Variants in SAMSN1 observed in about 807,000 individuals in gnomAD.
SAMSN1 encodes the protein SAM domain, SH3 domain and nuclear localization signals 1.
In SAMSN1, 31 loss-of-function variants were observed where a neutral mutation model predicts 42.0. The observed-to-expected ratio is 0.74, with a 90% CI of 0.55 to 1.00. The LOEUF (loss-of-function observed/expected upper bound fraction) is 1.00. Ranked by LOEUF, SAMSN1 falls within the 50% of genes least tolerant of loss-of-function variation. The probability of loss-of-function intolerance (pLI) is 0.00; values close to 1 mark genes in which losing one functional copy is unlikely to be tolerated. For missense variants in SAMSN1, 464 were observed against 439.4 expected, an observed-to-expected ratio of 1.06 and a Z score of -0.50; for synonymous variants, 178 against 151.9, an observed-to-expected ratio of 1.17 and a Z score of -1.26.
intron 2 of SAMSN1, among the ~76,000 whole-genome samples, chr21:14,621,401 G>T (rs1345517803): frequency 6.6e-6 from 1 of 152,200 alleles, no homozygotes; most frequent in Non-Finnish European, 1.5e-5. Context: ...CTAGCCAAGG[G>T]AAGCTGCGAC....
intron 4 of SAMSN1, among the ~76,000 whole-genome samples, chr21:14,611,865 G>A (rs1184766258): frequency 1.3e-5 from 2 of 152,084 alleles, no homozygotes; most frequent in African/African-American, 2.4e-5. Flanking sequence ...AATGAAATGA[G>A]TATGAGCACC....
chr21:14,648,602 G>T (rs1220775153), intron 1 of SAMSN1, among the ~76,000 whole-genome samples: 1 of 151,908 alleles, frequency 6.6e-6, no homozygotes, highest in East Asian at 1.9e-4. Flanking sequence ...ATCAAAAAGT[G>T]GGCAAAGGAT....
intron 1 of SAMSN1, among the ~76,000 whole-genome samples, chr21:14,530,171 G>A (rs1414383356): frequency 1.3e-5 from 2 of 151,940 alleles, no homozygotes; most frequent in African/African-American, 4.8e-5. Context: ...AAAAAAATTA[G>A]CCGGGCGTGG....
At chr21:14,549,297 A>G (rs571099708), upstream of SAMSN1, among the ~76,000 whole-genome samples, 29 of 152,162 alleles carry the variant, frequency 1.9e-4, no homozygotes, top group Non-Finnish European at 3.2e-4. Context: ...GCCTTCTGCC[A>G]TCAGGTTGAA....
chr21:14,532,927 G>A (rs1472677039), intron 1 of SAMSN1, among the ~76,000 whole-genome samples: 4 of 150,738 alleles, frequency 2.7e-5, no homozygotes, highest in Non-Finnish European at 5.9e-5. Context: ...TTTATTTATT[G>A]AGACAGGGTC....
At chr21:14,520,051 C>T (rs1446130593) in intron 2 of SAMSN1, among the ~76,000 whole-genome samples, 1 of 152,114 alleles carries the variant, frequency 6.6e-6, no homozygotes, top group South Asian at 2.1e-4. Flanking sequence ...CTAATAGTTC[C>T]TATGTTATAA....
chr21:14,581,694 G>T (rs777231796), intron 2 of SAMSN1, among the ~76,000 whole-genome samples: 1 of 151,890 alleles, frequency 6.6e-6, no homozygotes, highest in East Asian at 1.9e-4. Flanking sequence ...ATTTCATAAT[G>T]TAAGTCCTTA....
chr21:14,488,451 C>A (rs1255474151), intron 7 of SAMSN1, among the ~76,000 whole-genome samples: 1 of 152,068 alleles, frequency 6.6e-6, no homozygotes, highest in African/African-American at 2.4e-5. Flanking sequence ...CTGTAATTTC[C>A]AAAATTAGTT....
intron 6 of SAMSN1, among the ~76,000 whole-genome samples, chr21:14,498,901 CAACT>C (rs1298022480): frequency 6.6e-6 from 1 of 152,306 alleles, no homozygotes; most frequent in Non-Finnish European, 1.5e-5. Flanking sequence ...TTTCACTTCT[CAACT>C]AACTAAATTG....
chr21:14,573,516 T>C (rs900123137), intron 2 of SAMSN1, among the ~76,000 whole-genome samples: 2 of 152,020 alleles, frequency 1.3e-5, no homozygotes, highest in Admixed American at 1.3e-4. Flanking sequence ...AGAGGAAGTA[T>C]AGTTGTTCAG....
intron 2 of SAMSN1, among the ~76,000 whole-genome samples, chr21:14,624,498 C>T (rs976022879): frequency 2.0e-5 from 3 of 152,278 alleles, no homozygotes; most frequent in African/African-American, 7.2e-5. Flanking sequence ...ACTATAAACA[C>T]CTCTACGCAA....
chr21:14,589,312 G>T (rs1434513220), intron 7 of SAMSN1, among the ~76,000 whole-genome samples: 1 of 151,984 alleles, frequency 6.6e-6, no homozygotes, highest in Non-Finnish European at 1.5e-5. Flanking sequence ...TAATAATAGA[G>T]TTGGGATGGA....
At chr21:14,491,087 C>T (rs1233674290) in intron 7 of SAMSN1, among the ~76,000 whole-genome samples, 1 of 152,148 alleles carries the variant, frequency 6.6e-6, no homozygotes, top group Non-Finnish European at 1.5e-5. Context: ...AACTGTCACA[C>T]ATTATTTAAT....
chr21:14,514,428 C>T (rs751237823), intron 3 of SAMSN1, among the ~76,000 whole-genome samples: 12 of 151,930 alleles, frequency 7.9e-5, no homozygotes, highest in Non-Finnish European at 1.0e-4. Context: ...TTCTGGCTTT[C>T]ATATGGAGAA....
intron 1 of SAMSN1, among the ~76,000 whole-genome samples, chr21:14,521,900 TAA>T (rs35197722): frequency 8.2e-5 from 12 of 145,926 alleles, no homozygotes; most frequent in Admixed American, 6.9e-4. Context: ...CAAGTTTGTT[TAA>T]AAAAAAAAAA....
At chr21:14,651,097 C>T (rs1352802229) in intron 1 of SAMSN1, among the ~76,000 whole-genome samples, 1 of 151,888 alleles carries the variant, frequency 6.6e-6, no homozygotes, top group Non-Finnish European at 1.5e-5. Context: ...TTCTACCAAA[C>T]CTTTAAAGAA....
At chr21:14,591,765 T>TA (rs1325996409) in intron 7 of SAMSN1, among the ~76,000 whole-genome samples, 15 of 152,152 alleles carry the variant, frequency 9.9e-5, no homozygotes, top group African/African-American at 3.6e-4. Flanking sequence ...TATTCCACTG[T>TA]AAAAACACTA....
upstream of SAMSN1, among the ~76,000 whole-genome samples, chr21:14,548,987 C>A (rs1980515579): frequency 6.6e-6 from 1 of 152,144 alleles, no homozygotes; most frequent in African/African-American, 2.4e-5. Flanking sequence ...TTTACAATAC[C>A]TTAATGGTCT....
At chr21:14,572,055 T>C (rs1981318791) in intron 2 of SAMSN1, among the ~76,000 whole-genome samples, 1 of 152,176 alleles carries the variant, frequency 6.6e-6, no homozygotes, top group South Asian at 2.1e-4. Context: ...AACCTGTCTT[T>C]GTCACCATTG....
Sources: allele counts gnomAD v4.1 joint callset (sites outside exome capture counted in the v4.1 genomes callset), GRCh38; gene constraint gnomAD v4.1.1; transcripts MANE v1.5; gene names NCBI Gene and HGNC (gene_info 2026-07-23, HGNC 2026-07-21).